Variants in KLF17 observed in about 807,000 individuals in gnomAD.
KLF17 encodes Krueppel-like factor 17.
In KLF17, 31 loss-of-function variants were observed where a neutral mutation model predicts 34.2. That is an observed-to-expected ratio of 0.91 (90% CI 0.68 to 1.22). KLF17 has a LOEUF of 1.22. Among genes scored for constraint, KLF17 ranks in the 50% most tolerant of loss-of-function variants. KLF17 has a pLI of 0.00. For missense variants in KLF17, 478 were observed against 505.2 expected, an observed-to-expected ratio of 0.95 and a Z score of 0.52; for synonymous variants, 179 against 186.7, an observed-to-expected ratio of 0.96 and a Z score of 0.34.
the KLF17 span, among the ~76,000 whole-genome samples, chr1:44,070,127 A>G: frequency 1.3e-5 from 2 of 152,142 alleles, no homozygotes; most frequent in Non-Finnish European, 2.9e-5. Context: ...AACATGATAA[A>G]GCCTCCATTA....
At chr1:44,091,913 C>CAA in the KLF17 span, among the ~76,000 whole-genome samples, 243 of 98,582 alleles carry the variant, frequency 2.5e-3, 2 homozygotes, top group African/African-American at 6.6e-3. Context: ...AACTCTGTCT[C>CAA]AAAAAAAAAA....
upstream of KLF17, chr1:44,115,450 C>CAAAAAAAAAAAAAAAAA (rs34620805): frequency 1.3e-5 from 1 of 74,670 alleles, no homozygotes; most frequent in Non-Finnish European, 2.3e-5. Flanking sequence ...GACTCTGTGT[C>CAAAAAAAAAAAAAAAAA]AAAAAAAAAA....
At chr1:44,085,671 G>A in the KLF17 span, among the ~76,000 whole-genome samples, 3 of 152,142 alleles carry the variant, frequency 2.0e-5, no homozygotes, top group Non-Finnish European at 4.4e-5. Flanking sequence ...TGGGCATGGT[G>A]GTGTTGCTTG....
the KLF17 span, among the ~76,000 whole-genome samples, chr1:44,067,804 C>T: frequency 2.0e-5 from 3 of 151,998 alleles, no homozygotes; most frequent in South Asian, 6.2e-4. Context: ...GCCACCCTGA[C>T]CTCATGGGGG....
the KLF17 span, chr1:44,103,168 C>A: frequency 1.8e-6 from 1 of 563,872 alleles, no homozygotes; most frequent in Non-Finnish European, 3.2e-6. Context: ...GCAGTAAACT[C>A]CTCCGCAGGT....
intron 1 of KLF17, among the ~76,000 whole-genome samples, chr1:44,119,418 A>AAC (rs2087921404): frequency 1.4e-5 from 2 of 147,566 alleles, no homozygotes; most frequent in African/African-American, 2.5e-5. Flanking sequence ...AAAAAAAAAA[A>AAC]CCCCAAAAAT....
chr1:44,061,518 C>T, the KLF17 span, among the ~76,000 whole-genome samples: 1 of 152,166 alleles, frequency 6.6e-6, no homozygotes, highest in African/African-American at 2.4e-5. Context: ...ATGGCAATGC[C>T]CTGAAGTTAC....
At position 44,129,998 on chromosome 1, in the gene KLF17, C is replaced by A; in HGVS notation, c.727C>A (p.Pro243Thr). 6.2e-7 allele frequency: 1 copy of A among 1,614,140 alleles called. No homozygotes were observed. Among genetic ancestry groups the A allele is most frequent in the Non-Finnish European group, 8.5e-7 (1 of 1,180,008 alleles). The change falls in exon 2 of 4, where the codon CCA becomes ACA. Residue 243 changes from proline (P) to threonine (T), a missense_variant. Transcript: ENST00000372299. The part of the protein sequence containing the change: ...LGSQDSLVSQ[P>T]DSQEGPFLPE... The stretch of plus-strand genomic sequence containing the variant: ...ATCTCAGGACTCTCTTGTCAGTCAG[C>A]CAGACTCTCAAGAAGGCCCATTTCT...
chr1:44,058,312 C>T, the KLF17 span, among the ~76,000 whole-genome samples: 34,476 of 152,014 alleles, frequency 0.23, 4,450 homozygotes, highest in Non-Finnish European at 0.28. Context: ...GTTTTTGAGA[C>T]GGAGTCTTGC....
At chr1:44,053,461 G>C in the KLF17 span, among the ~76,000 whole-genome samples, 12 of 152,100 alleles carry the variant, frequency 7.9e-5, no homozygotes, top group African/African-American at 7.2e-5. Context: ...CTAGTTCTGG[G>C]GGGGGAGGAC....
the KLF17 span, among the ~76,000 whole-genome samples, chr1:44,080,029 A>C: frequency 1.3e-5 from 2 of 150,816 alleles, no homozygotes; most frequent in Non-Finnish European, 3.0e-5. Flanking sequence ...CCTGGGTTCA[A>C]GCAATTCTCC....
upstream of KLF17, among the ~76,000 whole-genome samples, chr1:44,116,321 T>C (rs1439767243): frequency 6.6e-6 from 1 of 152,198 alleles, no homozygotes; most frequent in East Asian, 1.9e-4. Flanking sequence ...ACCCCACTTG[T>C]TATGATAGAG....
the KLF17 span, chr1:44,104,332 T>TTCTCCTGGCCC: frequency 1.7e-6 from 2 of 1,211,254 alleles, no homozygotes; most frequent in Non-Finnish European, 2.3e-6. Flanking sequence ...AGCTGCCGCC[T>TTCTCCTGGCCC]AAGGTTGTTG....
chr1:44,108,067 A>C, the KLF17 span, among the ~76,000 whole-genome samples: 1 of 152,318 alleles, frequency 6.6e-6, no homozygotes, highest in Non-Finnish European at 1.5e-5. Flanking sequence ...CAGTGACTGG[A>C]GGAAAATAAA....
chr1:44,120,200 G>A (rs2087930395), intron 1 of KLF17, among the ~76,000 whole-genome samples: 1 of 152,214 alleles, frequency 6.6e-6, no homozygotes, highest in South Asian at 2.1e-4. Flanking sequence ...GTGAATTTTG[G>A]CCATAGTCCA....
At chr1:44,102,021 G>A in the KLF17 span, among the ~76,000 whole-genome samples, 68 of 151,370 alleles carry the variant, frequency 4.5e-4, 1 homozygote, top group South Asian at 0.011. Flanking sequence ...TGCCAACCTG[G>A]GCAATAGATT....
Position 44,130,786 on chromosome 1 carries a change from CTTTTTCCT to C in KLF17, c.*43_*50del, listed in dbSNP as rs543264945. The stretch of plus-strand genomic sequence containing the variant: ...GTCTCCTCTCCTCATTCTGGGTTTT[CTTTTTCCT>C]TTTTTCCTTTTTATTTTTTTGAGAC... On this transcript the variant is annotated intron_variant, in intron 3 of 3. Coordinates refer to ENST00000372299, the MANE Select transcript of KLF17 (RefSeq NM_173484.4). 2.5e-4 allele frequency: 409 copies of C among 1,606,806 alleles called. 1 individual carries two copies. In the African/African-American group the frequency reaches 3.7e-3, roughly 15 times the overall value.
chr1:44,127,638 C>CTTT (rs1557731745), intron 1 of KLF17, among the ~76,000 whole-genome samples: 17 of 59,506 alleles, frequency 2.9e-4, no homozygotes, highest in African/African-American at 9.8e-4. Flanking sequence ...TCTTTTCTTT[C>CTTT]CTTCTTTCTT....
the KLF17 span, among the ~76,000 whole-genome samples, chr1:44,098,326 T>C: frequency 3.9e-5 from 6 of 152,072 alleles, no homozygotes; most frequent in African/African-American, 1.4e-4. Context: ...TCATCTCTGA[T>C]TTTATTTATT....
Sources: gnomAD v4.1 joint callset for allele counts (sites outside exome capture counted in the v4.1 genomes callset) on GRCh38, gnomAD v4.1.1 for gene constraint, MANE v1.5 for transcripts, NCBI Gene and HGNC (gene_info 2026-07-23, HGNC 2026-07-21) for gene names.